Variants in CRYBG1 observed in about 807,000 individuals in gnomAD.
CRYBG1 encodes the protein beta/gamma crystallin domain-containing protein 1.
In CRYBG1, 139 loss-of-function variants were observed where a neutral mutation model predicts 189.2. That is an observed-to-expected ratio of 0.73 (90% CI 0.64 to 0.85). The LOEUF (loss-of-function observed/expected upper bound fraction) is 0.85. CRYBG1 is among the 40% of genes least tolerant of loss of function. The probability of loss-of-function intolerance (pLI) is 0.00; values close to 1 mark genes in which losing one functional copy is unlikely to be tolerated. For missense variants in CRYBG1, 2,611 were observed against 2,675.8 expected (o/e 0.98, Z 0.53); for synonymous variants, 1,023 against 1,017.1 (o/e 1.01, Z -0.11).
At chr6:106,530,135 A>G in intron 7 of CRYBG1, 41 bp from the exon 8 acceptor site, 1 of 1,529,808 alleles carries the variant, frequency 6.5e-7, no homozygotes, top group Non-Finnish European at 8.9e-7. Context: ...AGTGAAATAC[A>G]TGGTGCAATT....
At chr6:106,555,034 A>G (rs757862338) in intron 16 of CRYBG1, among the ~76,000 whole-genome samples, 57 of 151,984 alleles carry the variant, frequency 3.8e-4, no homozygotes, top group Middle Eastern at 6.8e-3. Flanking sequence ...GTGTGGTGGC[A>G]TGCACCTGTA....
At chr6:106,362,005 C>G (rs145896816) in intron 1 of CRYBG1, among the ~76,000 whole-genome samples, 1,315 of 108,956 alleles carry the variant, frequency 0.012, 15 homozygotes, top group African/African-American at 0.045. Context: ...GAGTCTTGCT[C>G]TGTCACCCAG....
chr6:106,362,173 G>A (rs1771890042), intron 1 of CRYBG1, among the ~76,000 whole-genome samples: 1 of 151,130 alleles, frequency 6.6e-6, no homozygotes, highest in Non-Finnish European at 1.5e-5. Flanking sequence ...GTTTCACCGT[G>A]TTAGACAGGA....
intron 1 of CRYBG1, among the ~76,000 whole-genome samples, chr6:106,379,109 A>G (rs571698390): frequency 7.2e-5 from 11 of 152,296 alleles, no homozygotes; most frequent in Admixed American, 5.2e-4. Context: ...AGATCGCGCC[A>G]CTGCATTTCA....
intron 1 of CRYBG1, among the ~76,000 whole-genome samples, chr6:106,428,807 G>T (rs1220931197): frequency 6.6e-6 from 1 of 152,174 alleles, no homozygotes. Flanking sequence ...GTGCATCAAA[G>T]CATCACCCCA....
chr6:106,443,456 T>A (rs1295448789), intron 1 of CRYBG1, among the ~76,000 whole-genome samples: 1 of 152,226 alleles, frequency 6.6e-6, no homozygotes, highest in Non-Finnish European at 1.5e-5. Context: ...CCCTTCAGTC[T>A]CCATATAAAG....
chr6:106,472,067 A>G (rs1772243567), intron 2 of CRYBG1, among the ~76,000 whole-genome samples: 1 of 152,252 alleles, frequency 6.6e-6, no homozygotes, highest in South Asian at 2.1e-4. Flanking sequence ...TCCCTTTTGC[A>G]GAGAGAAAAA....
At position 106,521,240 on chromosome 6, in the gene CRYBG1, T is replaced by C. The variant is rs1773603382; in HGVS notation, c.4032T>C (p.Asp1344=). 6.2e-7 allele frequency: 1 copy of C among 1,613,942 alleles called. No homozygotes were observed. Among genetic ancestry groups the C allele is most frequent in the African/African-American group, 1.3e-5 (1 of 74,890 alleles). ...AAGAGAAAACCAAAGAAGATCTGGA[T>C]TCACGAAGCAACCTACACTTGCCAG... ...PQKEKTKEDL[D]SRSNLHLPET... The change falls in exon 4 of 22, where the codon GAT becomes GAC. Residue 1344 remains aspartate (D), a synonymous_variant. Transcript: ENST00000633556.
chr6:106,530,350 G>C, intron 8 of CRYBG1, 35 bp downstream of exon 8: 1 of 1,586,454 alleles, frequency 6.3e-7, no homozygotes, highest in South Asian at 1.1e-5. Context: ...TTTTAATGAA[G>C]TTTTTTTGTG....
intron 1 of CRYBG1, among the ~76,000 whole-genome samples, chr6:106,416,947 T>C (rs989164061): frequency 2.3e-4 from 35 of 151,728 alleles, no homozygotes; most frequent in Non-Finnish European, 1.9e-4. Flanking sequence ...TGAATTGTTT[T>C]ACATTGAGTT....
chr6:106,551,058 C>G (rs1770724), intron 13 of CRYBG1, among the ~76,000 whole-genome samples: 12,343 of 151,968 alleles, frequency 0.081, 1,602 homozygotes, highest in African/African-American at 0.28. Flanking sequence ...TGCATGATTT[C>G]CTGAAGTTTG....
At chr6:106,439,609 A>C (rs1771531753) in intron 1 of CRYBG1, among the ~76,000 whole-genome samples, 1 of 152,178 alleles carries the variant, frequency 6.6e-6, no homozygotes. Context: ...CTAATTTAAA[A>C]TATTGTTAAA....
At chr6:106,560,323 T>A (rs1774678994) in intron 18 of CRYBG1, among the ~76,000 whole-genome samples, 1 of 152,220 alleles carries the variant, frequency 6.6e-6, no homozygotes, top group Non-Finnish European at 1.5e-5. Flanking sequence ...TCCTCAGGTG[T>A]GCAGCAGTAG....
intron 1 of CRYBG1, among the ~76,000 whole-genome samples, chr6:106,412,508 CAT>C (rs764699831): frequency 1.4e-4 from 21 of 152,146 alleles, no homozygotes; most frequent in African/African-American, 2.2e-4. Flanking sequence ...TAAGGAAAAA[CAT>C]ATGTTATTAC....
At chr6:106,361,972 T>TCTTTCTTTCTTTC (rs71006681) in intron 1 of CRYBG1, among the ~76,000 whole-genome samples, 17 of 120,952 alleles carry the variant, frequency 1.4e-4, no homozygotes, top group African/African-American at 6.0e-4. Context: ...TTTCTTTCTT[T>TCTTTCTTTCTTTC]TTTTTTTTTT....
At chr6:106,528,207 C>T (rs1212194290) in intron 7 of CRYBG1, among the ~76,000 whole-genome samples, 1 of 152,116 alleles carries the variant, frequency 6.6e-6, no homozygotes, top group Non-Finnish European at 1.5e-5. Flanking sequence ...CCTGAGTCAA[C>T]ATTTCTGAGT....
intron 13 of CRYBG1, among the ~76,000 whole-genome samples, chr6:106,546,458 A>T (rs1774267251): frequency 6.6e-6 from 1 of 152,236 alleles, no homozygotes; most frequent in Admixed American, 6.5e-5. Context: ...GGGGCCTCCC[A>T]CAATAGCCCT....
intron 1 of CRYBG1, among the ~76,000 whole-genome samples, chr6:106,399,658 C>CTTTT (rs34726734): frequency 2.1e-5 from 3 of 140,316 alleles, no homozygotes; most frequent in Non-Finnish European, 3.0e-5. Context: ...GTTTTTCTTT[C>CTTTT]TTTTTTTTTT....
intron 2 of CRYBG1, among the ~76,000 whole-genome samples, chr6:106,482,502 A>G (rs535350978): frequency 3.5e-4 from 54 of 152,208 alleles, no homozygotes; most frequent in Admixed American, 1.4e-3. Context: ...CTGGCCAGGC[A>G]TGGTGGCTCA....
Sources: allele counts gnomAD v4.1 joint callset (sites outside exome capture counted in the v4.1 genomes callset), GRCh38; gene constraint gnomAD v4.1.1; transcripts MANE v1.5; gene names NCBI Gene and HGNC (gene_info 2026-07-23, HGNC 2026-07-21).